Variants in C3orf20 observed in about 807,000 individuals in gnomAD.
C3orf20 encodes the protein family with sequence similarity 149 member C.
In C3orf20, 76 loss-of-function variants were observed where a neutral mutation model predicts 88.3. The ratio of observed to expected loss-of-function variants is 0.86; its 90% CI spans 0.72 to 1.04. C3orf20 has a LOEUF of 1.04. C3orf20 is among the 50% of genes least tolerant of loss of function. C3orf20 has a pLI of 0.00. For missense variants in C3orf20, 1,056 were observed against 1,123.3 expected (o/e 0.94, Z 0.86); for synonymous variants, 436 against 437.4 (o/e 1.00, Z 0.04).
chr3:14,705,829 A>T (rs1243667979), intron 7 of C3orf20, among the ~76,000 whole-genome samples: 2 of 152,136 alleles, frequency 1.3e-5, no homozygotes. Flanking sequence ...GAAAACTGAG[A>T]CCCAAAGGCA....
chr3:14,761,697 A>G, intron 15 of C3orf20, 82 bp downstream of exon 15: 1 of 1,473,136 alleles, frequency 6.8e-7, no homozygotes, highest in Non-Finnish European at 9.4e-7. Context: ...GTGAAAGGGG[A>G]ACTGAGGGGA....
At chr3:14,700,784 A>G (rs2033228285) in intron 5 of C3orf20, among the ~76,000 whole-genome samples, 1 of 152,216 alleles carries the variant, frequency 6.6e-6, no homozygotes, top group Non-Finnish European at 1.5e-5. Context: ...GTCCTATGAC[A>G]TATGTATGAA....
intron 13 of C3orf20, among the ~76,000 whole-genome samples, chr3:14,759,043 G>T (rs1256013567): frequency 6.6e-6 from 1 of 152,240 alleles, no homozygotes; most frequent in African/African-American, 2.4e-5. Flanking sequence ...GAGTGCTCAG[G>T]TGGCCAAGCC....
chr3:14,735,937 C>T (rs1210557911), intron 12 of C3orf20, among the ~76,000 whole-genome samples: 1 of 152,150 alleles, frequency 6.6e-6, no homozygotes, highest in Admixed American at 6.5e-5. Flanking sequence ...GATTTGCCCA[C>T]ATATTTACTT....
At chr3:14,754,699 CT>C (rs1247071133) in intron 12 of C3orf20, among the ~76,000 whole-genome samples, 2 of 152,094 alleles carry the variant, frequency 1.3e-5, no homozygotes, top group Non-Finnish European at 2.9e-5. Flanking sequence ...TCACTCCCCT[CT>C]TTTTATGAGT....
At position 14,703,048 on chromosome 3, in the gene C3orf20, C is replaced by G; in HGVS notation, c.746-82C>G. On this transcript the variant is annotated intron_variant, in intron 5 of 16. Coordinates refer to ENST00000253697, the MANE Select transcript of C3orf20 (RefSeq NM_032137.5). Reference sequence around the variant, plus strand: ...AAAATGATCTCCTTTGACTCCAGGTCTCACATCCAGGTGACACTGATGCAA... The same window carrying G: ...AAAATGATCTCCTTTGACTCCAGGTGTCACATCCAGGTGACACTGATGCAA... 4.6e-6 allele frequency: 7 copies of G among 1,513,862 alleles called. No individual in the cohort carries two copies. The South Asian group carries it at 5.7e-5, about 12-fold the overall frequency. The allele number at this position is 1,513,862 out of a possible 1,614,324, so 93.8% of individuals were successfully genotyped here.
rs1037061261 is a variant in C3orf20 at position 14,701,930 on chromosome 3, C to T, written c.746-1200C>T. ...TTTGATAAATGACCAGTCAACAATT[C>T]CTGGTGAGCATCAATGATACCCCCA... On this transcript the variant is annotated intron_variant, in intron 5 of 16. Transcript: ENST00000253697. This position sits in a 1 kb window ranked among gnomAD's most constrained non-coding sequence, Gnocchi z 4.6. Among the ~76,000 whole-genome samples the T allele has an allele frequency of 6.6e-6, 1 of 152,148 alleles. No homozygotes were observed. The highest frequency in any genetic ancestry group is 1.5e-5 in the Non-Finnish European group (1 of 68,042).
chr3:14,683,623 A>G (rs2032231510), intron 3 of C3orf20, among the ~76,000 whole-genome samples: 1 of 152,100 alleles, frequency 6.6e-6, no homozygotes, highest in Non-Finnish European at 1.5e-5. Context: ...CACCCCTGTA[A>G]TTCCAGCACT....
chr3:14,701,413 G>T lies in C3orf20; in HGVS notation c.746-1717G>T, dbSNP rs1203735312. 6.6e-6 allele frequency among the ~76,000 whole-genome samples: 1 copy of T among 152,100 alleles called. No individual in the cohort carries two copies. Among genetic ancestry groups the T allele is most frequent in the African/African-American group, 2.4e-5 (1 of 41,414 alleles). On this transcript the variant is annotated intron_variant, in intron 5 of 16. Coordinates refer to ENST00000253697, the MANE Select transcript of C3orf20 (RefSeq NM_032137.5). This position sits in a 1 kb window ranked among gnomAD's most constrained non-coding sequence, Gnocchi z 4.6. ...CATACTTCGAGGCTGCAGCTGGGTGGGAGTCAGAGGTTCATTGTAGGTAGG... is the reference window on the plus strand; with the variant it reads ...CATACTTCGAGGCTGCAGCTGGGTGTGAGTCAGAGGTTCATTGTAGGTAGG...
intron 8 of C3orf20, among the ~76,000 whole-genome samples, chr3:14,714,911 C>G (rs561845391): frequency 6.6e-6 from 1 of 152,200 alleles, no homozygotes; most frequent in East Asian, 1.9e-4. Context: ...CTGGATTTGC[C>G]TGGCTTTGCC....
chr3:14,733,921 T>C (rs759664605), intron 12 of C3orf20, among the ~76,000 whole-genome samples: 1 of 152,184 alleles, frequency 6.6e-6, no homozygotes, highest in African/African-American at 2.4e-5. Context: ...TCTCCTGACC[T>C]CATGATCCGC....
intron 12 of C3orf20, among the ~76,000 whole-genome samples, chr3:14,746,438 T>G (rs897512296): frequency 6.6e-6 from 1 of 152,226 alleles, no homozygotes; most frequent in Non-Finnish European, 1.5e-5. Context: ...CTGAGTAGGC[T>G]CTTGTGCCCC....
intron 12 of C3orf20, among the ~76,000 whole-genome samples, chr3:14,739,958 G>A (rs1387300745): frequency 6.6e-6 from 1 of 152,168 alleles, no homozygotes; most frequent in African/African-American, 2.4e-5. Flanking sequence ...GAATATTATG[G>A]CTGATTTGCT....
intron 12 of C3orf20, among the ~76,000 whole-genome samples, chr3:14,746,647 T>C (rs1002425184): frequency 2.0e-5 from 3 of 152,162 alleles, no homozygotes; most frequent in Non-Finnish European, 4.4e-5. Flanking sequence ...TGGTCTCACA[T>C]TGTGGGGAAG....
chr3:14,757,899 T>C (rs1559444727), intron 13 of C3orf20, among the ~76,000 whole-genome samples: 1 of 152,350 alleles, frequency 6.6e-6, no homozygotes, highest in East Asian at 1.9e-4. Context: ...AAGGTGAATG[T>C]CACCACATAA....
intron 13 of C3orf20, 99 bp from the exon 14 acceptor site, chr3:14,759,792 C>G (rs1383086353): frequency 4.1e-6 from 4 of 974,262 alleles, no homozygotes; most frequent in Non-Finnish European, 6.4e-6. Flanking sequence ...GTACAGGGCT[C>G]CAGGACTCAG....
chr3:14,727,364 A>G (rs1173975250), intron 11 of C3orf20, among the ~76,000 whole-genome samples: 2 of 150,714 alleles, frequency 1.3e-5, no homozygotes, highest in African/African-American at 4.9e-5. Flanking sequence ...ATCTACATTC[A>G]CCTTTAGCTC....
chr3:14,699,355 G>T (rs139287658), intron 5 of C3orf20, among the ~76,000 whole-genome samples: 398 of 152,268 alleles, frequency 2.6e-3, no homozygotes, highest in Non-Finnish European at 4.3e-3. Context: ...CTGAGAATGT[G>T]CTGAGTCTCT....
At chr3:14,718,156 C>T (rs918195436) in intron 9 of C3orf20, among the ~76,000 whole-genome samples, 2 of 152,102 alleles carry the variant, frequency 1.3e-5, no homozygotes, top group Middle Eastern at 3.2e-3. Flanking sequence ...TCTTCTGAGA[C>T]TCCAATTATG....
Sources: allele counts gnomAD v4.1 joint callset (sites outside exome capture counted in the v4.1 genomes callset), GRCh38; gene constraint gnomAD v4.1.1; non-coding constraint Gnocchi (gnomAD v3.1); transcripts MANE v1.5; gene names NCBI Gene and HGNC (gene_info 2026-07-23, HGNC 2026-07-21).